The following SCN1A variants were observed in gnomAD, a reference collection of about 807,000 sequenced individuals.
SCN1A encodes the protein sodium voltage-gated channel alpha subunit 1, also known as sodium channel protein type 1 subunit alpha.
A neutral mutation model predicts 193.7 loss-of-function variants in SCN1A; 13 were observed. The observed-to-expected ratio is 0.07, with a 90% CI of 0.04 to 0.11. The LOEUF is 0.11. SCN1A is among the 10% of genes least tolerant of loss of function. The probability of loss-of-function intolerance (pLI) is 1.00; values close to 1 mark genes in which losing one functional copy is unlikely to be tolerated. For synonymous variants in SCN1A, 781 were observed against 843.6 expected, an observed-to-expected ratio of 0.93 and a Z score of 1.29; for missense variants, 1,432 against 2,451.1, an observed-to-expected ratio of 0.58 and a Z score of 8.78.
chr2:166,060,947 A>T (rs1416000975), intron 4 of SCN1A: 3 of 152,164 alleles, frequency 2.0e-5, no homozygotes, highest in African/African-American at 7.2e-5. Flanking sequence ...TATATTTTAA[A>T]ATAAGAATCT....
chr2:166,144,376 T>C (rs1692218430), intron 1 of SCN1A, among the ~76,000 whole-genome samples: 1 of 152,198 alleles, frequency 6.6e-6, no homozygotes, highest in Non-Finnish European at 1.5e-5. Flanking sequence ...GGAAATTTAA[T>C]TCAATCTCAT....
At chr2:166,020,547 A>G (rs1260609319) in intron 19 of SCN1A, among the ~76,000 whole-genome samples, 4 of 152,176 alleles carry the variant, frequency 2.6e-5, no homozygotes, top group African/African-American at 9.7e-5. Flanking sequence ...TTTTCAAATC[A>G]ATTTACACTA....
chr2:166,035,958 C>CA lies in SCN1A; in HGVS notation c.3429+89dup, dbSNP rs1696282975. On this transcript the variant is annotated intron_variant, in intron 19 of 28. Coordinates refer to ENST00000674923, the MANE Select transcript of SCN1A (RefSeq NM_001165963.4). Reference sequence around the variant, plus strand: ...GTAAAAAAAAAAAAAAATCTTAAGTCAAAACATCATTAAGCTGAGGATCAT... The same window carrying CA: ...GTAAAAAAAAAAAAAAATCTTAAGTCAAAAACATCATTAAGCTGAGGATCAT... 1.5e-5 allele frequency: 20 copies of CA among 1,350,226 alleles called. No individual in the cohort carries two copies. In the South Asian group the frequency reaches 2.2e-4, roughly 15 times the overall value. The allele number at this position is 1,350,226 out of a possible 1,614,324, so 83.6% of individuals were successfully genotyped here.
chr2:165,996,123 G>T lies in SCN1A; in HGVS notation c.4477-6C>A, dbSNP rs1470740998. On this transcript the variant is annotated splice_region_variant and splice_polypyrimidine_tract_variant and intron_variant, in intron 26 of 28. Transcript: ENST00000674923. ...AAGATGTCTTGACCTCCAAAGTATA[G>T]AAAAGAAAAATCAAACTGGTTAAAA... 6.4e-7 allele frequency: 1 copy of T among 1,561,686 alleles called. No individual in the cohort carries two copies. Among genetic ancestry groups the T allele is most frequent in the South Asian group, 1.1e-5 (1 of 89,646 alleles).
chr2:166,022,075 C>A (rs1694146639), intron 19 of SCN1A, among the ~76,000 whole-genome samples: 1 of 151,516 alleles, frequency 6.6e-6, no homozygotes, highest in Non-Finnish European at 1.5e-5. Context: ...TAAATAAATA[C>A]ATAAATGAAA....
At position 166,043,655 on chromosome 2, in the gene SCN1A, TAA is replaced by T. The variant is rs778922058; in HGVS notation, c.2043+12_2043+13del. ...GTGAGCCAGCCATGCCTGAACTATT[TAA>T]AACTTCCTTACATTGTCATCAGTAG... is the stretch of plus-strand genomic sequence containing the variant. On this transcript the variant is annotated intron_variant, in intron 14 of 28. Coordinates refer to ENST00000674923, the MANE Select transcript of SCN1A (RefSeq NM_001165963.4). 1 of 1,611,346 alleles carries T rather than the reference TAA, an allele frequency of 6.2e-7. No individual in the cohort carries two copies. Among genetic ancestry groups the T allele is most frequent in the Non-Finnish European group, 8.5e-7 (1 of 1,178,436 alleles).
rs752591998 is a variant in SCN1A at position 166,045,317 on chromosome 2, G to A, written c.1388C>T (p.Thr463Met). 38 of 1,613,960 alleles carry A rather than the reference G, an allele frequency of 2.4e-5. No homozygotes were observed. Among genetic ancestry groups the A allele is most frequent in the South Asian group, 7.7e-5 (7 of 91,094 alleles). ...KQQEAAQQAA[T>M]ATASEHSREP... ...TCTGGAATGTTCTGAGGCAGTTGCC[G>A]TTGCTGCCTGCTATATTGAAGAGAA... Residue 463 changes from threonine (T) to methionine (M), a missense_variant, in exon 13 of 29, where the codon ACG (threonine) becomes ATG (methionine). Physicochemically the swap from Thr to Met is moderately conservative, Grantham distance 81. Coordinates refer to ENST00000674923, the MANE Select transcript of SCN1A (RefSeq NM_001165963.4).
intron 2 of SCN1A, among the ~76,000 whole-genome samples, chr2:166,097,411 C>T (rs1284688374): frequency 1.3e-5 from 2 of 152,194 alleles, no homozygotes; most frequent in Non-Finnish European, 2.9e-5. Context: ...ATGCCTACCT[C>T]ATCCTTTAGT....
chr2:166,029,054 A>G (rs2105745905), intron 19 of SCN1A, among the ~76,000 whole-genome samples: 1 of 152,280 alleles, frequency 6.6e-6, no homozygotes, highest in South Asian at 2.1e-4. Flanking sequence ...ATGAGAACTG[A>G]TAAAGCATAG....
intron 3 of SCN1A, among the ~76,000 whole-genome samples, chr2:166,074,917 G>T (rs1022470765): frequency 4.6e-5 from 7 of 152,196 alleles, no homozygotes; most frequent in Middle Eastern, 3.4e-3. Flanking sequence ...AAGAAGGGAG[G>T]ACTCAAGTTT....
chr2:166,102,520 A>C (rs1688213159), intron 2 of SCN1A, among the ~76,000 whole-genome samples: 1 of 150,094 alleles, frequency 6.7e-6, no homozygotes, highest in African/African-American at 2.4e-5. Flanking sequence ...AAAAAGAAAA[A>C]AAAGAAAAAA....
intron 2 of SCN1A, among the ~76,000 whole-genome samples, chr2:166,094,609 A>G (rs1687173956): frequency 6.6e-6 from 1 of 152,184 alleles, no homozygotes; most frequent in South Asian, 2.1e-4. Context: ...GGATATGATA[A>G]AAATACCAGA....
intron 3 of SCN1A, among the ~76,000 whole-genome samples, chr2:166,074,416 T>G (rs761887288): frequency 6.6e-6 from 1 of 152,132 alleles, no homozygotes; most frequent in Non-Finnish European, 1.5e-5. Context: ...AGGAGTCTCC[T>G]GTTTCAAGAA....
chr2:166,061,991 A>C (rs1344713702), intron 4 of SCN1A, among the ~76,000 whole-genome samples: 1 of 152,198 alleles, frequency 6.6e-6, no homozygotes, highest in East Asian at 1.9e-4. Flanking sequence ...TGTGCAATGG[A>C]AAATACTTGC....
intron 19 of SCN1A, among the ~76,000 whole-genome samples, chr2:166,034,540 T>C (rs1176465236): frequency 6.6e-6 from 1 of 152,210 alleles, no homozygotes; most frequent in East Asian, 1.9e-4. Flanking sequence ...CTGCTGTTTT[T>C]GAGATTTCCA....
upstream of SCN1A, among the ~76,000 whole-genome samples, chr2:166,132,776 AT>A (rs1379139738): frequency 3.3e-5 from 5 of 152,196 alleles, no homozygotes; most frequent in Admixed American, 2.0e-4. Flanking sequence ...AATTAAAAAA[AT>A]AATAATCAGC....
chr2:166,145,178 G>GGGA (rs1553468438), intron 1 of SCN1A, among the ~76,000 whole-genome samples: 15,135 of 129,344 alleles, frequency 0.12, 1,290 homozygotes, highest in Middle Eastern at 0.21. Context: ...TTTTTTGTGG[G>GGGA]GGACAGAGTC....
Position 166,041,477 on chromosome 2 carries a change from A to AAC in SCN1A, c.2177-9_2177-8insGT, listed in dbSNP as rs2105829817. On this transcript the variant is annotated splice_polypyrimidine_tract_variant and intron_variant, in intron 15 of 28. Transcript: ENST00000674923. ...GCCTGGATTCTTCAAGTTCTAGATT[A>AAC]AGAAAAAAAAAAAAAAGAACCACCA... The AAC allele has an allele frequency of 4.9e-6, 7 of 1,421,252 alleles. No individual in the cohort carries two copies. Among genetic ancestry groups the AAC allele is most frequent in the Non-Finnish European group, 6.7e-6 (7 of 1,048,480 alleles). 88.0% of individuals were successfully genotyped at this position (1,421,252 alleles called of 1,614,324 possible).
chr2:166,136,302 T>C (rs1208095387), intron 1 of SCN1A, among the ~76,000 whole-genome samples: 1 of 152,152 alleles, frequency 6.6e-6, no homozygotes, highest in African/African-American at 2.4e-5. Flanking sequence ...CCCTTATTCT[T>C]TCTGCAACTA....
Sources: gnomAD v4.1 joint callset for allele counts (sites outside exome capture counted in the v4.1 genomes callset) on GRCh38, gnomAD v4.1.1 for gene constraint, MANE v1.5 for transcripts, NCBI Gene and HGNC (gene_info 2026-07-23, HGNC 2026-07-21) for gene names.